The following SNRPN variants were observed in gnomAD, a reference collection of about 807,000 sequenced individuals.
The protein encoded by SNRPN is small nuclear ribonucleoprotein-associated protein N.
In SNRPN, 7 loss-of-function variants were observed where a neutral mutation model predicts 25.2. The ratio of observed to expected loss-of-function variants is 0.28; its 90% CI spans 0.16 to 0.52. SNRPN has a LOEUF of 0.52. Among genes scored for constraint, SNRPN ranks in the 20% least tolerant of loss-of-function variants. The probability of loss-of-function intolerance (pLI) is 0.96; values close to 1 mark genes in which losing one functional copy is unlikely to be tolerated. For missense variants in SNRPN, 196 were observed against 322.5 expected (o/e 0.61, Z 3.00); for synonymous variants, 124 against 110.6 (o/e 1.12, Z -0.76).
intron 1 of SNRPN, among the ~76,000 whole-genome samples, chr15:24,868,434 A>G (rs182287253): frequency 3.3e-5 from 5 of 152,290 alleles, no homozygotes; most frequent in Non-Finnish European, 7.4e-5. Flanking sequence ...CTACAAGGGG[A>G]GAGTTTGCTA....
chr15:24,917,319 C>G (rs2059588879), intron 2 of SNRPN, among the ~76,000 whole-genome samples: 1 of 152,068 alleles, frequency 6.6e-6, no homozygotes, highest in Non-Finnish European at 1.5e-5. Flanking sequence ...GATTTAGTTC[C>G]TTCTGGATCA....
chr15:24,958,229 T>C (rs902122562), intron 1 of SNRPN, among the ~76,000 whole-genome samples: 1 of 152,152 alleles, frequency 6.6e-6, no homozygotes, highest in Non-Finnish European at 1.5e-5. Context: ...GTTTATAAGG[T>C]GTCAAGGATG....
At chr15:24,904,652 C>G (rs2058682441) in intron 2 of SNRPN, among the ~76,000 whole-genome samples, 1 of 141,388 alleles carries the variant, frequency 7.1e-6, no homozygotes, top group South Asian at 2.4e-4. Flanking sequence ...AAGACTCCCT[C>G]TTGGGAAAAA....
intron 2 of SNRPN, among the ~76,000 whole-genome samples, chr15:24,896,039 G>A (rs1427951547): frequency 6.6e-6 from 1 of 152,170 alleles, no homozygotes; most frequent in Non-Finnish European, 1.5e-5. Flanking sequence ...CTACTTGCAT[G>A]GGCAAGCTAT....
At chr15:24,896,729 C>T (rs2058103116) in intron 2 of SNRPN, among the ~76,000 whole-genome samples, 1 of 151,768 alleles carries the variant, frequency 6.6e-6, no homozygotes, top group Admixed American at 6.6e-5. Context: ...AAAATGGCTC[C>T]TAGGCCTTCC....
chr15:24,832,840 T>C (rs926817183), intron 2 of SNRPN, among the ~76,000 whole-genome samples: 1 of 151,798 alleles, frequency 6.6e-6, no homozygotes, highest in East Asian at 1.9e-4. Context: ...GCGCGGTGGC[T>C]CAGGGCCTGT....
chr15:24,883,785 G>T (rs1357096081), intron 1 of SNRPN, among the ~76,000 whole-genome samples: 1 of 152,004 alleles, frequency 6.6e-6, no homozygotes, highest in Non-Finnish European at 1.5e-5. Flanking sequence ...GCTGAAGCAG[G>T]TGTATCACTT....
chr15:24,872,439 A>AC lies in SNRPN; in HGVS notation c.-578-14077_-578-14076insC, dbSNP rs1555385663. ...ACCTACCATACCCAGTCAAAAATAC[A>AC]TTTTTTTTTGGAAAATATAGTTTAG... is the stretch of plus-strand genomic sequence containing the variant. On this transcript the variant is annotated intron_variant, in intron 1 of 11. Transcript: ENST00000400097. Among the ~76,000 whole-genome samples, 76 of 116,846 alleles carry AC rather than the reference A, an allele frequency of 6.5e-4. 22 individuals are homozygous for AC. In the Admixed American group the frequency reaches 7.3e-3, roughly 11 times the overall value. 76.7% of individuals were successfully genotyped at this position (116,846 alleles called of 152,430 possible).
upstream of SNRPN, among the ~76,000 whole-genome samples, chr15:24,952,884 A>C (rs2062391742): frequency 6.6e-6 from 1 of 152,158 alleles, no homozygotes. Context: ...TGTGGCATGT[A>C]AGTTTGGTGT....
intron 2 of SNRPN, among the ~76,000 whole-genome samples, chr15:24,842,877 C>G (rs2051826356): frequency 1.3e-5 from 2 of 152,186 alleles, no homozygotes; most frequent in Non-Finnish European, 2.9e-5. Context: ...AGTCTTCCCA[C>G]CATATTTAGT....
intron 3 of SNRPN, among the ~76,000 whole-genome samples, chr15:24,969,502 A>G (rs2076132800): frequency 6.6e-6 from 1 of 152,080 alleles, no homozygotes; most frequent in African/African-American, 2.4e-5. Flanking sequence ...TATACACAAC[A>G]TTTTCTAGCA....
intron 2 of SNRPN, among the ~76,000 whole-genome samples, chr15:24,910,625 G>A (rs1208000959): frequency 6.6e-6 from 1 of 152,062 alleles, no homozygotes; most frequent in Admixed American, 6.6e-5. Flanking sequence ...CTCCTGAGCA[G>A]CTGGGATTAC....
chr15:24,973,996 T>TAG (rs565100720), intron 3 of SNRPN, among the ~76,000 whole-genome samples: 121 of 152,272 alleles, frequency 7.9e-4, no homozygotes, highest in African/African-American at 2.7e-3. Flanking sequence ...AATTCTGAAC[T>TAG]AGAGAGAGAG....
chr15:24,826,329 G>A (rs2050073872), intron 1 of SNRPN, among the ~76,000 whole-genome samples: 1 of 152,022 alleles, frequency 6.6e-6, no homozygotes, highest in Non-Finnish European at 1.5e-5. Context: ...CTCTCCAAAA[G>A]TCCTTGCTGC....
intron 3 of SNRPN, among the ~76,000 whole-genome samples, chr15:24,941,169 G>A (rs1336729912): frequency 6.6e-6 from 1 of 152,128 alleles, no homozygotes; most frequent in Non-Finnish European, 1.5e-5. Context: ...TAGATACGGG[G>A]TTTTAACATG....
intron 1 of SNRPN, among the ~76,000 whole-genome samples, chr15:24,958,486 G>GTTTTTTTTTTTTTTTTTTTTT: frequency 1.5e-5 from 1 of 65,284 alleles, no homozygotes; most frequent in Non-Finnish European, 2.7e-5. Flanking sequence ...CTGGCTCAAA[G>GTTTTTTTTTTTTTTTTTTTTT]TTTTTTTTTT....
chr15:24,881,583 GGGAGAGA>G (rs2056650460), intron 1 of SNRPN, among the ~76,000 whole-genome samples: 1 of 59,222 alleles, frequency 1.7e-5, no homozygotes, highest in Non-Finnish European at 3.5e-5. Context: ...GAGGGAGGGA[GGGAGAGA>G]GAGAGAGAGA....
chr15:24,908,965 G>C, intron 2 of SNRPN: 1 of 1,368,122 alleles, frequency 7.3e-7, no homozygotes, highest in Non-Finnish European at 1.0e-6. Context: ...CTCTGAGGAA[G>C]CTTGCATTCT....
chr15:24,952,622 A>T (rs940543288), upstream of SNRPN, among the ~76,000 whole-genome samples: 3 of 152,246 alleles, frequency 2.0e-5, no homozygotes, highest in Non-Finnish European at 4.4e-5. Flanking sequence ...TAGAACAAAC[A>T]GGAAATTATG....
Sources: allele counts gnomAD v4.1 joint callset (sites outside exome capture counted in the v4.1 genomes callset), GRCh38; gene constraint gnomAD v4.1.1; transcripts MANE v1.5; gene names NCBI Gene and HGNC (gene_info 2026-07-23, HGNC 2026-07-21).